The following SUPT20H variants were observed in gnomAD, a reference collection of about 807,000 sequenced individuals.
The protein encoded by SUPT20H is SPT20 homolog, SAGA complex component.
SUPT20H carries 82 observed loss-of-function variants against 122.8 expected under a neutral mutation model. The ratio of observed to expected loss-of-function variants is 0.67; its 90% CI spans 0.56 to 0.80. The LOEUF is 0.80. Ranked by LOEUF, SUPT20H falls within the 30% of genes least tolerant of loss-of-function variation. The pLI is 0.00. For synonymous variants in SUPT20H, 291 were observed against 313.0 expected (o/e 0.93, Z 0.74); for missense variants, 831 against 921.6 (o/e 0.90, Z 1.27).
At chr13:37,037,935 G>A (rs903927896) in intron 9 of SUPT20H, 1 of 151,858 alleles carries the variant, frequency 6.6e-6, no homozygotes, top group Non-Finnish European at 1.5e-5. Context: ...AACTAGATCT[G>A]GCTGGTTTCT....
At chr13:37,015,473 G>A (rs2060293375) in intron 23 of SUPT20H, among the ~76,000 whole-genome samples, 1 of 147,900 alleles carries the variant, frequency 6.8e-6, no homozygotes, top group African/African-American at 2.6e-5. Flanking sequence ...CCATTAGGAA[G>A]GCTGCTTAAA....
chr13:37,024,747 G>A, intron 17 of SUPT20H: 2 of 199,450 alleles, frequency 1.0e-5, no homozygotes, highest in South Asian at 3.3e-4. Flanking sequence ...ATGAAAGCAA[G>A]CTTCCACTCT....
intron 5 of SUPT20H, among the ~76,000 whole-genome samples, chr13:37,045,936 A>T (rs1431339290): frequency 1.3e-5 from 2 of 152,122 alleles, no homozygotes; most frequent in Non-Finnish European, 2.9e-5. Context: ...TATAAATCCA[A>T]TTCAACAGCT....
intron 23 of SUPT20H, 53 bp from the exon 24 acceptor site, chr13:37,012,350 C>G (rs926937024): frequency 2.4e-5 from 34 of 1,446,554 alleles, no homozygotes; most frequent in Non-Finnish European, 3.1e-5. Context: ...CAAATTTGAG[C>G]TGGTGAAAAG....
chr13:37,028,473 C>A (rs2062712541), intron 13 of SUPT20H, among the ~76,000 whole-genome samples, 168 bp from the exon 14 acceptor site: 1 of 152,070 alleles, frequency 6.6e-6, no homozygotes, highest in Non-Finnish European at 1.5e-5. Context: ...TAAAGCACAG[C>A]ACGGTTCTTT....
chr13:37,017,397 TC>T lies in SUPT20H; in HGVS notation c.1873-34del. The T allele has an allele frequency of 5.7e-6, 9 of 1,576,136 alleles. 1 individual carries two copies. The Middle Eastern group carries it at 1.5e-3, about 271-fold the overall frequency. ...GAATTTAAACAAAAATTAACCAATT[TC>T]ACATGATTTTATATCAAATATTTAA... On this transcript the variant is annotated intron_variant, in intron 22 of 25. Transcript: ENST00000350612.
intron 2 of SUPT20H, 56 bp from the exon 3 acceptor site, chr13:37,048,655 A>AATATACATT (rs1157937729): frequency 1.6e-5 from 23 of 1,470,264 alleles, no homozygotes; most frequent in Non-Finnish European, 2.0e-5. Context: ...AAAAAAATTT[A>AATATACATT]ATATACATTT....
At chr13:37,044,442 A>T (rs2066046808) in intron 6 of SUPT20H, among the ~76,000 whole-genome samples, 1 of 152,172 alleles carries the variant, frequency 6.6e-6, no homozygotes, top group Non-Finnish European at 1.5e-5. Context: ...AAGCAAAATA[A>T]TCAGAATATG....
At chr13:37,011,428 A>C (rs572824966) in intron 24 of SUPT20H, among the ~76,000 whole-genome samples, 1 of 152,328 alleles carries the variant, frequency 6.6e-6, no homozygotes, top group East Asian at 1.9e-4. Context: ...ACTGACTTCC[A>C]AAATAAAGAT....
chr13:37,012,404 A>T, intron 23 of SUPT20H, 107 bp from the exon 24 acceptor site: 1 of 725,368 alleles, frequency 1.4e-6, no homozygotes, highest in Non-Finnish European at 2.3e-6. Context: ...GTATTAGACT[A>T]GTCTTGTAAA....
rs796959076 is a variant in SUPT20H at position 37,033,338 on chromosome 13, C to T, written c.707+111G>A. ...CAACAAAGAGAGACCTCATCTCTAC[C>T]CTTCCCCACCAAAATCGGAGCAACC... On this transcript the variant is annotated intron_variant, in intron 10 of 25. Transcript: ENST00000350612. 7.4e-5 allele frequency: 101 copies of T among 1,361,532 alleles called. No individual in the cohort carries two copies. The African/African-American group carries it at 1.3e-3, about 18-fold the overall frequency. The allele number at this position is 1,361,532 out of a possible 1,614,324, so 84.3% of individuals were successfully genotyped here.
intron 1 of SUPT20H, among the ~76,000 whole-genome samples, chr13:37,054,852 G>T (rs1292108658): frequency 1.3e-5 from 2 of 152,202 alleles, no homozygotes; most frequent in South Asian, 2.1e-4. Context: ...TGACATGATT[G>T]TATATCTAGA....
Position 37,022,323 on chromosome 13 carries a change from C to A in SUPT20H, c.1592-243G>T. 1 of 1,317,888 alleles carries A rather than the reference C, an allele frequency of 7.6e-7. No individual in the cohort carries two copies. The highest frequency in any genetic ancestry group is 9.7e-7 in the Non-Finnish European group (1 of 1,032,380). 81.6% of individuals were successfully genotyped at this position (1,317,888 alleles called of 1,614,324 possible). Reference sequence around the variant, plus strand: ...TGGCTTAGGAGTTCCAGATCCTGCTCATTGAGAAAAATAAAAATTGCTAGT... The same window carrying A: ...TGGCTTAGGAGTTCCAGATCCTGCTAATTGAGAAAAATAAAAATTGCTAGT... On this transcript the variant is annotated intron_variant, in intron 19 of 25. Coordinates refer to ENST00000350612, the MANE Select transcript of SUPT20H (RefSeq NM_001014286.3). This position sits in a 1 kb window ranked among gnomAD's most constrained non-coding sequence, Gnocchi z 4.5.
Position 37,009,514 on chromosome 13 carries a change from T to G in SUPT20H, c.*158A>C, listed in dbSNP as rs185586458. The G allele has an allele frequency of 1.0e-6, 1 of 1,001,234 alleles. No homozygotes were observed. Among genetic ancestry groups the G allele is most frequent in the East Asian group, 2.5e-5 (1 of 39,986 alleles). The allele number at this position is 1,001,234 out of a possible 1,614,324, so 62.0% of individuals were successfully genotyped here. On this transcript the variant is annotated 3_prime_UTR_variant, in exon 26 of 26. Transcript: ENST00000350612. ...CCTAGTTTGTTAAACCATTTCCCTGTTTTTATTTAAAAATGATAAGGTTGT... is the reference window on the plus strand; with the variant it reads ...CCTAGTTTGTTAAACCATTTCCCTGGTTTTATTTAAAAATGATAAGGTTGT...
At position 37,048,577 on chromosome 13, in the gene SUPT20H, A is replaced by G. The variant is rs1566333938; in HGVS notation, c.26T>C (p.Leu9Ser). 1.2e-6 allele frequency: 2 copies of G among 1,601,608 alleles called. No individual in the cohort carries two copies. Among genetic ancestry groups the G allele is most frequent in the South Asian group, 1.1e-5 (1 of 88,004 alleles). Reference sequence around the variant, plus strand: ...GTCACACCTCACCTCTGCACGATCCAAAGCTAGTTCTAAAGCTTGTTGCTG... The same window carrying G: ...GTCACACCTCACCTCTGCACGATCCGAAGCTAGTTCTAAAGCTTGTTGCTG... MQQALELA[L>S]DRAEYVIESA... The change falls in exon 3 of 26, where the codon TTG becomes TCG. Residue 9 changes from leucine (L) to serine (S), a missense_variant. Leu to Ser is a moderately radical substitution (Grantham distance 145, BLOSUM62 -2). Coordinates refer to ENST00000350612, the MANE Select transcript of SUPT20H (RefSeq NM_001014286.3).
In SUPT20H at chr13:37,040,710, C is replaced by T. The variant is rs560552690; in HGVS notation, c.397-18G>A. The T allele has an allele frequency of 1.8e-5, 28 of 1,590,728 alleles. No individual in the cohort carries two copies. Among genetic ancestry groups the T allele is most frequent in the African/African-American group, 2.7e-5 (2 of 74,328 alleles). On this transcript the variant is annotated intron_variant, in intron 7 of 25. Transcript: ENST00000350612. ...ATATTAACCTGTTTGGGCAAAAATA[C>T]GTAAACGTCATTTTTTTTTCCAAAA...
At chr13:37,055,900 T>C (rs972279145) in intron 1 of SUPT20H, among the ~76,000 whole-genome samples, 4 of 152,084 alleles carry the variant, frequency 2.6e-5, no homozygotes, top group Non-Finnish European at 5.9e-5. Context: ...GAATCTACAA[T>C]GAACTCAAAC....
rs527630171 is a variant in SUPT20H, at chr13:37,054,550, T to C, written c.-93-2967A>G. Among the ~76,000 whole-genome samples the C allele has an allele frequency of 6.4e-4, 97 of 152,280 alleles. 1 individual carries two copies. Among genetic ancestry groups the C allele is most frequent in the Admixed American group, 2.4e-3 (37 of 15,292 alleles). ...ATCTCAATAGATGCAGAAAAGGCCTTTGACGAAATTCAACAACGCTTCATG... is the reference window on the plus strand; with the variant it reads ...ATCTCAATAGATGCAGAAAAGGCCTCTGACGAAATTCAACAACGCTTCATG... On this transcript the variant is annotated intron_variant, in intron 1 of 25. Coordinates refer to ENST00000350612, the MANE Select transcript of SUPT20H (RefSeq NM_001014286.3).
Position 37,040,619 on chromosome 13 carries a change from G to T in SUPT20H, c.470C>A (p.Pro157His). The T allele has an allele frequency of 6.2e-7, 1 of 1,614,080 alleles. No homozygotes were observed. Among genetic ancestry groups the T allele is most frequent in the Middle Eastern group, 1.7e-4 (1 of 6,058 alleles). Residue 157 changes from proline (P) to histidine (H), a missense_variant, in exon 8 of 26, where the codon CCT (proline) becomes CAT (histidine). By Grantham distance (77) the Pro-to-His change is moderately conservative (BLOSUM62 -2). Transcript: ENST00000350612. ...GAGAATGTGCCGACTTTGGTAACCA[G>T]GAGATTTCATGTTACTGGACTGCCT... The part of the protein sequence containing the change: ...DYRQSSNMKS[P>H]GYQSRHILLR...
Sources: gnomAD v4.1 joint callset for allele counts (sites outside exome capture counted in the v4.1 genomes callset) on GRCh38, gnomAD v4.1.1 for gene constraint, Gnocchi (gnomAD v3.1) non-coding constraint, MANE v1.5 for transcripts, NCBI Gene and HGNC (gene_info 2026-07-23, HGNC 2026-07-21) for gene names.